Variants in MAGI2 observed in about 807,000 individuals in gnomAD.
MAGI2 encodes membrane-associated guanylate kinase, WW and PDZ domain-containing protein 2.
A neutral mutation model predicts 133.3 loss-of-function variants in MAGI2; 35 were observed. The observed-to-expected ratio is 0.26, with a 90% confidence interval of 0.20 to 0.35. MAGI2 has a LOEUF of 0.35. MAGI2 is among the 10% of genes least tolerant of loss of function. The pLI is 1.00. For synonymous variants in MAGI2, 729 were observed against 710.6 expected (o/e 1.03, Z -0.41); for missense variants, 1,636 against 1,863.4 (o/e 0.88, Z 2.25).
chr7:79,116,449 C>A (rs370883371), intron 1 of MAGI2, among the ~76,000 whole-genome samples: 1 of 152,136 alleles, frequency 6.6e-6, no homozygotes, highest in Admixed American at 6.5e-5. Flanking sequence ...GTTAAACTTT[C>A]AGGATCCTTC....
At chr7:78,734,017 A>G (rs1006310846) in intron 2 of MAGI2, among the ~76,000 whole-genome samples, 2 of 152,220 alleles carry the variant, frequency 1.3e-5, no homozygotes, top group African/African-American at 4.8e-5. Flanking sequence ...CATAATCGTA[A>G]ACATAACAAC....
chr7:78,713,601 C>T (rs1179541163), intron 2 of MAGI2, among the ~76,000 whole-genome samples: 1 of 152,116 alleles, frequency 6.6e-6, no homozygotes, highest in Non-Finnish European at 1.5e-5. Flanking sequence ...AAGTCAAAAT[C>T]CCCATGAAAC....
chr7:79,100,768 T>C (rs1391312376), intron 1 of MAGI2, among the ~76,000 whole-genome samples: 3 of 151,976 alleles, frequency 2.0e-5, no homozygotes, highest in African/African-American at 7.2e-5. Flanking sequence ...ATTGACTTTA[T>C]AGTCATAGGT....
At chr7:78,840,743 T>C (rs562746832) in intron 2 of MAGI2, among the ~76,000 whole-genome samples, 42 of 152,112 alleles carry the variant, frequency 2.8e-4, no homozygotes, top group African/African-American at 9.4e-4. Flanking sequence ...GGAAAGAATA[T>C]GCGATTTGCA....
intron 10 of MAGI2, among the ~76,000 whole-genome samples, chr7:78,206,246 G>T (rs1044066797): frequency 6.6e-6 from 1 of 150,990 alleles, no homozygotes. Context: ...TCATGATATC[G>T]TCAATTTGGC....
At chr7:78,489,055 G>C (rs1487592007) in intron 6 of MAGI2, among the ~76,000 whole-genome samples, 2 of 151,968 alleles carry the variant, frequency 1.3e-5, no homozygotes, top group African/African-American at 2.4e-5. Flanking sequence ...TAGCTAAACT[G>C]TAAGTGCTCC....
chr7:78,667,125 C>A (rs938626427), intron 2 of MAGI2, among the ~76,000 whole-genome samples: 7 of 151,872 alleles, frequency 4.6e-5, no homozygotes, highest in Admixed American at 2.6e-4. Context: ...CATTTTCCCC[C>A]AATAGTAACA....
chr7:78,280,107 G>GAGAT (rs1795419905), intron 9 of MAGI2, among the ~76,000 whole-genome samples: 1 of 152,270 alleles, frequency 6.6e-6, no homozygotes, highest in African/African-American at 2.4e-5. Flanking sequence ...AATGGCCTTT[G>GAGAT]AGATAGAGCA....
rs140077211 is a variant in MAGI2, at chr7:78,342,532, C to A, written c.1408+1246G>T. Among the ~76,000 whole-genome samples the A allele has an allele frequency of 1.5e-3, 234 of 152,258 alleles. 4 individuals are homozygous for A. In the East Asian group the frequency reaches 0.034, roughly 22 times the overall value. ...CACGTATGTTTACTGTGGCACTATT[C>A]ACAATAGCAAAGACTTGGAACCAAC... On this transcript the variant is annotated intron_variant, in intron 9 of 21. Coordinates refer to ENST00000354212, the MANE Select transcript of MAGI2 (RefSeq NM_012301.4).
intron 10 of MAGI2, among the ~76,000 whole-genome samples, chr7:78,249,821 T>C (rs570268116): frequency 5.3e-5 from 8 of 152,190 alleles, no homozygotes; most frequent in Admixed American, 1.3e-4. Flanking sequence ...CAATAATGTA[T>C]AGTATATTTC....
intron 2 of MAGI2, among the ~76,000 whole-genome samples, chr7:78,734,675 C>T (rs1433137096): frequency 6.6e-6 from 1 of 152,154 alleles, no homozygotes; most frequent in African/African-American, 2.4e-5. Context: ...TTCCGCTTTC[C>T]TTCTTGCACT....
At chr7:79,359,073 A>G (rs1213425769) in intron 1 of MAGI2, among the ~76,000 whole-genome samples, 1 of 152,238 alleles carries the variant, frequency 6.6e-6, no homozygotes, top group African/African-American at 2.4e-5. Flanking sequence ...TTTTAAAGCA[A>G]CAAAATAAAA....
intron 21 of MAGI2, among the ~76,000 whole-genome samples, chr7:78,020,280 C>T (rs1313095005): frequency 6.6e-6 from 1 of 152,192 alleles, no homozygotes; most frequent in African/African-American, 2.4e-5. Context: ...GGGGTGTTCT[C>T]GGGCCTGATA....
chr7:79,003,273 AG>A (rs987666647), intron 2 of MAGI2, among the ~76,000 whole-genome samples: 217 of 152,308 alleles, frequency 1.4e-3, no homozygotes, highest in African/African-American at 4.8e-3. Flanking sequence ...TCCAGCTCCA[AG>A]ATGTGCCTCC....
intron 1 of MAGI2, among the ~76,000 whole-genome samples, chr7:79,062,872 A>G (rs1232638626): frequency 6.6e-6 from 1 of 152,092 alleles, no homozygotes; most frequent in Middle Eastern, 3.2e-3. Flanking sequence ...TAGTAATGGG[A>G]AGCATGTAGT....
At chr7:78,410,180 T>G (rs1224905961) in intron 6 of MAGI2, among the ~76,000 whole-genome samples, 1 of 152,032 alleles carries the variant, frequency 6.6e-6, no homozygotes, top group African/African-American at 2.4e-5. Flanking sequence ...TGTTAAAATG[T>G]GTGATACAGG....
chr7:79,024,364 A>G (rs1809653447), intron 1 of MAGI2, among the ~76,000 whole-genome samples: 1 of 152,062 alleles, frequency 6.6e-6, no homozygotes, highest in African/African-American at 2.4e-5. Flanking sequence ...GTCTAAAATC[A>G]AAAACTATAA....
At chr7:78,145,124 T>C (rs1823169862) in intron 16 of MAGI2, among the ~76,000 whole-genome samples, 1 of 152,192 alleles carries the variant, frequency 6.6e-6, no homozygotes, top group African/African-American at 2.4e-5. Flanking sequence ...CTTCTTTTGA[T>C]TGAATTCTGG....
intron 6 of MAGI2, among the ~76,000 whole-genome samples, chr7:78,477,317 C>T (rs61241165): frequency 0.041 from 6,252 of 152,014 alleles, 365 homozygotes; most frequent in African/African-American, 0.13. Context: ...TAGAAAACAA[C>T]AGAAGCTAAT....
Sources: allele counts gnomAD v4.1 joint callset (sites outside exome capture counted in the v4.1 genomes callset), GRCh38; gene constraint gnomAD v4.1.1; transcripts MANE v1.5; gene names NCBI Gene and HGNC (gene_info 2026-07-23, HGNC 2026-07-21).